Variants in PTPRD observed in about 807,000 individuals in gnomAD.
PTPRD encodes protein tyrosine phosphatase receptor type D.
Under a neutral mutation model 214.5 loss-of-function variants are expected in PTPRD, and 34 were observed. That is an observed-to-expected ratio of 0.16 (90% CI 0.12 to 0.21). The LOEUF (loss-of-function observed/expected upper bound fraction) is 0.21. Among genes scored for constraint, PTPRD ranks in the 10% least tolerant of loss-of-function variants. The probability of loss-of-function intolerance (pLI) is 1.00; values close to 1 mark genes in which losing one functional copy is unlikely to be tolerated. For missense variants in PTPRD, 2,545 were observed against 2,398.7 expected (o/e 1.06, Z -1.27); for synonymous variants, 1,128 against 845.7 (o/e 1.33, Z -5.79).
intron 2 of PTPRD, among the ~76,000 whole-genome samples, chr9:10,451,456 G>C (rs561842401): frequency 6.6e-5 from 10 of 151,654 alleles, no homozygotes; most frequent in African/African-American, 1.9e-4. Flanking sequence ...TTGTGGATGA[G>C]ATCCTTAATG....
rs80305827 is a variant in PTPRD at position 8,739,215 on chromosome 9, C to T, written c.-103-5269G>A. Among the ~76,000 whole-genome samples, 5 of 152,306 alleles carry T rather than the reference C, an allele frequency of 3.3e-5. No individual in the cohort carries two copies. The East Asian group carries it at 7.7e-4, about 24-fold the overall frequency. ...GGGCACCCCAGGAATTCCCTAGGCC[C>T]TCAGTGTCCAGCTACAACACAAGTA... On this transcript the variant is annotated intron_variant, in intron 11 of 45. Coordinates refer to ENST00000381196, the MANE Select transcript of PTPRD (RefSeq NM_002839.4).
At chr9:9,498,791 G>A (rs578241097) in intron 8 of PTPRD, among the ~76,000 whole-genome samples, 2 of 152,166 alleles carry the variant, frequency 1.3e-5, no homozygotes, top group East Asian at 3.9e-4. Context: ...TGTAAGACAG[G>A]AAATGATCTG....
chr9:9,004,991 A>T (rs1298926121), intron 11 of PTPRD, among the ~76,000 whole-genome samples: 1 of 152,122 alleles, frequency 6.6e-6, no homozygotes, highest in African/African-American at 2.4e-5. Context: ...TAAACTCATT[A>T]TAGGCCATAG....
chr9:9,534,052 C>A, intron 8 of PTPRD, among the ~76,000 whole-genome samples: 1 of 151,882 alleles, frequency 6.6e-6, no homozygotes. Context: ...CACACACTAG[C>A]AATAAAACCA....
rs988355287 is a variant in PTPRD, at chr9:10,133,451, T to G, written c.-544-99661A>C. On this transcript the variant is annotated intron_variant, in intron 3 of 45. Coordinates refer to ENST00000381196, the MANE Select transcript of PTPRD (RefSeq NM_002839.4). ...AGAAAGGACAAAGCAGATACATATA[T>G]GAATATAATACAAGAATAAAATATA... Among the ~76,000 whole-genome samples, 5 of 152,028 alleles carry G rather than the reference T, an allele frequency of 3.3e-5. No homozygotes were observed. The East Asian group carries it at 9.6e-4, about 29-fold the overall frequency.
intron 11 of PTPRD, among the ~76,000 whole-genome samples, chr9:8,897,976 G>T (rs1165196003): frequency 6.6e-6 from 1 of 152,150 alleles, no homozygotes; most frequent in Non-Finnish European, 1.5e-5. Flanking sequence ...CATAATTAAA[G>T]ATTTGCATCA....
At chr9:8,742,565 T>C (rs540556938) in intron 11 of PTPRD, among the ~76,000 whole-genome samples, 1 of 149,550 alleles carries the variant, frequency 6.7e-6, no homozygotes, top group African/African-American at 2.6e-5. Flanking sequence ...ATCTATTTTA[T>C]TTGTTTTAGC....
At chr9:10,350,916 A>G (rs1229723556) in intron 2 of PTPRD, among the ~76,000 whole-genome samples, 1 of 152,122 alleles carries the variant, frequency 6.6e-6, no homozygotes, top group Non-Finnish European at 1.5e-5. Context: ...AATTCCTTAG[A>G]GTCATAAAAT....
At chr9:8,750,005 AG>A (rs2093354069) in intron 11 of PTPRD, among the ~76,000 whole-genome samples, 1 of 151,362 alleles carries the variant, frequency 6.6e-6, no homozygotes, top group Non-Finnish European at 1.5e-5. Flanking sequence ...CGGGAAGCTG[AG>A]GCAGGAGAAT....
intron 7 of PTPRD, among the ~76,000 whole-genome samples, chr9:9,578,353 T>C (rs1215920975): frequency 6.6e-6 from 1 of 152,102 alleles, no homozygotes; most frequent in Admixed American, 6.6e-5. Context: ...ATGGATTTAT[T>C]GGATCTATGA....
chr9:8,848,775 C>T (rs2097757972), intron 11 of PTPRD, among the ~76,000 whole-genome samples: 1 of 125,554 alleles, frequency 8.0e-6, no homozygotes, highest in South Asian at 2.4e-4. Flanking sequence ...AATCTTGACC[C>T]TATGTTCCAT....
In PTPRD at chr9:8,499,429, G is replaced by A. The variant is rs114755823; in HGVS notation, c.2322+218C>T. On this transcript the variant is annotated intron_variant, in intron 25 of 45. Coordinates refer to ENST00000381196, the MANE Select transcript of PTPRD (RefSeq NM_002839.4). ...CTGTATTTTAAGGAAAAAGTAACAT[G>A]TTTTTAATCAGACTTGAGTGTCATT... Among the ~76,000 whole-genome samples, 427 of 152,230 alleles carry A rather than the reference G, an allele frequency of 2.8e-3. 4 individuals carry two copies. The highest frequency in any genetic ancestry group is 9.7e-3 in the African/African-American group (404 of 41,560).
chr9:10,467,590 A>T (rs1194338674), intron 2 of PTPRD, among the ~76,000 whole-genome samples: 1 of 152,190 alleles, frequency 6.6e-6, no homozygotes, highest in East Asian at 1.9e-4. Context: ...GTGTGTGTAC[A>T]TGTGTGATAG....
chr9:8,761,736 G>C (rs2094428121), intron 11 of PTPRD, among the ~76,000 whole-genome samples: 1 of 152,158 alleles, frequency 6.6e-6, no homozygotes, highest in African/African-American at 2.4e-5. Context: ...GAAATGAAAA[G>C]ATGTAGGGTC....
At chr9:8,432,203 C>A (rs923735348) in intron 35 of PTPRD, among the ~76,000 whole-genome samples, 12 of 152,346 alleles carry the variant, frequency 7.9e-5, no homozygotes, top group Admixed American at 3.3e-4. Context: ...TTCTTCCCTG[C>A]ATTCCAGATG....
chr9:9,257,514 A>C (rs2099978249), intron 9 of PTPRD, among the ~76,000 whole-genome samples: 1 of 151,978 alleles, frequency 6.6e-6, no homozygotes, highest in African/African-American at 2.4e-5. Context: ...AAAATTGGCC[A>C]AGGATGGGGG....
Position 9,789,048 on chromosome 9 carries a change from G to A in PTPRD, c.-367-22197C>T, listed in dbSNP as rs1197523976. On this transcript the variant is annotated intron_variant, in intron 5 of 45. Transcript: ENST00000381196. The stretch of plus-strand genomic sequence containing the variant: ...TCAGCCTACCTGACACATTATACAT[G>A]TTTAAATATTTTCTGGCTGGCTACA... Among the ~76,000 whole-genome samples the A allele has an allele frequency of 2.0e-5, 3 of 152,112 alleles. No homozygotes were observed. In the East Asian group the frequency reaches 5.8e-4, roughly 29 times the overall value.
chr9:10,167,807 GC>G (rs1453086255), intron 3 of PTPRD, among the ~76,000 whole-genome samples: 2 of 152,120 alleles, frequency 1.3e-5, no homozygotes, highest in Non-Finnish European at 2.9e-5. Context: ...TCCCAATATA[GC>G]TGTAAGAGTT....
rs568902598 is a variant in PTPRD, at chr9:8,387,761, G to A, written c.4386+1471C>T. ...CCCCAGTATACTCATATGTAAACTG[G>A]AGGTCACAGTAGTGTTTCTTGTAAA... On this transcript the variant is annotated intron_variant, in intron 37 of 45. Coordinates refer to ENST00000381196, the MANE Select transcript of PTPRD (RefSeq NM_002839.4). 2.0e-5 allele frequency among the ~76,000 whole-genome samples: 3 copies of A among 152,286 alleles called. No homozygotes were observed. The South Asian group carries it at 6.2e-4, about 32-fold the overall frequency.
Sources: gnomAD v4.1 joint callset for allele counts (sites outside exome capture counted in the v4.1 genomes callset) on GRCh38, gnomAD v4.1.1 for gene constraint, MANE v1.5 for transcripts, NCBI Gene and HGNC (gene_info 2026-07-23, HGNC 2026-07-21) for gene names.